The following TACC3 variants were observed in gnomAD, a reference collection of about 807,000 sequenced individuals.
TACC3 encodes the protein transforming acidic coiled-coil containing protein 3.
In TACC3, 52 loss-of-function variants were observed where a neutral mutation model predicts 86.0. The observed-to-expected ratio is 0.60, with a 90% CI of 0.48 to 0.76. The LOEUF is 0.76. Ranked by LOEUF, TACC3 falls within the 30% of genes least tolerant of loss-of-function variation. TACC3 has a pLI of 0.00. For synonymous variants in TACC3, 512 were observed against 430.0 expected (o/e 1.19, Z -2.36); for missense variants, 1,120 against 1,070.4 (o/e 1.05, Z -0.65).
intron 10 of TACC3, among the ~76,000 whole-genome samples, chr4:1,739,156 A>T (rs1318632648): frequency 1.3e-5 from 2 of 152,028 alleles, no homozygotes; most frequent in African/African-American, 4.8e-5. Flanking sequence ...AAAAATACAA[A>T]AATTAGCCGG....
chr4:1,738,964 G>A (rs1353620144), intron 10 of TACC3, among the ~76,000 whole-genome samples: 1 of 152,156 alleles, frequency 6.6e-6, no homozygotes, highest in Non-Finnish European at 1.5e-5. Flanking sequence ...ATTGTTTACT[G>A]AAACTAGAAG....
intron 13 of TACC3, among the ~76,000 whole-genome samples, chr4:1,744,248 G>A (rs1477797714): frequency 6.6e-6 from 1 of 152,240 alleles, no homozygotes; most frequent in Non-Finnish European, 1.5e-5. Context: ...GCCAGCAGAG[G>A]CTGCAGGTGT....
intron 3 of TACC3, among the ~76,000 whole-genome samples, chr4:1,724,379 C>CT (rs35896374): frequency 0.012 from 1,265 of 108,338 alleles, 147 homozygotes; most frequent in African/African-American, 0.013. Flanking sequence ...TCATACTTCA[C>CT]TTTTTTTTTT....
At chr4:1,741,207 G>T in intron 13 of TACC3, 2 of 464,090 alleles carry the variant, frequency 4.3e-6, no homozygotes, top group South Asian at 3.5e-5. Context: ...TGAGCAGGGA[G>T]GCCATCTGAG....
intron 3 of TACC3, among the ~76,000 whole-genome samples, chr4:1,724,212 T>C (rs1429632172): frequency 6.6e-6 from 1 of 151,712 alleles, no homozygotes; most frequent in Non-Finnish European, 1.5e-5. Context: ...GACCTCATGA[T>C]GCGCCCGCCT....
At chr4:1,722,400 C>T (rs1717448538) in intron 1 of TACC3, among the ~76,000 whole-genome samples, 1 of 152,186 alleles carries the variant, frequency 6.6e-6, no homozygotes, top group Non-Finnish European at 1.5e-5. Flanking sequence ...GTCCGTAAGT[C>T]CCATATGTGC....
chr4:1,724,338 G>A (rs1307569134), intron 3 of TACC3, among the ~76,000 whole-genome samples: 2 of 146,054 alleles, frequency 1.4e-5, no homozygotes, highest in Admixed American at 1.4e-4. Context: ...TTCACTAACA[G>A]AAAAGTCGAT....
Position 1,728,078 on chromosome 4 carries a change from G to A in TACC3, c.676G>A (p.Ala226Thr). ...TPHGAEEECK[A>T]ETPHGAEEEC... The stretch of plus-strand genomic sequence containing the variant: ...GCACGGAGCCGAGGAAGAATGCAAA[G>A]CGGAGACTCCGCACGGAGCCGAGGA... Residue 226 changes from alanine (A) to threonine (T), a missense_variant, in exon 4 of 16, where the codon GCG becomes ACG. Coordinates refer to ENST00000313288, the MANE Select transcript of TACC3 (RefSeq NM_006342.3). 6.4e-7 allele frequency: 1 copy of A among 1,572,410 alleles called. No homozygotes were observed. Among genetic ancestry groups the A allele is most frequent in the Non-Finnish European group, 8.6e-7 (1 of 1,159,132 alleles).
intron 4 of TACC3, 83 bp from the exon 5 acceptor site, chr4:1,730,804 G>A: frequency 6.9e-7 from 1 of 1,442,276 alleles, no homozygotes; most frequent in South Asian, 1.2e-5. Flanking sequence ...GCAGGGAAAG[G>A]CGATGGCAGC....
rs776875405 is a variant in TACC3 at position 1,723,765 on chromosome 4, A to G, written c.200A>G (p.His67Arg). Reference sequence around the variant, plus strand: ...ACACCTCTGCGGGATCCACAGACGCACAGGATTCTAAGTCCTAGCATGGCC... The same window carrying G: ...ACACCTCTGCGGGATCCACAGACGCGCAGGATTCTAAGTCCTAGCATGGCC... Reference protein sequence around the residue: ...FQTPLRDPQTHRILSPSMASK... With the variant: ...FQTPLRDPQTRRILSPSMASK... Residue 67 changes from histidine (H) to arginine (R), a missense_variant, in exon 3 of 16, where the codon CAC (histidine) becomes CGC (arginine). Transcript: ENST00000313288. The G allele has an allele frequency of 5.6e-6, 9 of 1,613,750 alleles. No individual in the cohort carries two copies. The African/African-American group carries it at 6.7e-5, about 12-fold the overall frequency.
At position 1,727,802 on chromosome 4, in the gene TACC3, C is replaced by A; in HGVS notation, c.400C>A (p.Pro134Thr). ...CACCGACCTCCTGGGGGATGCAAGC[C>A]CAGCCTTTGGGAGTGGCAGCTCCAG... ...ADTDLLGDAS[P>T]AFGSGSSSES... Residue 134 changes from proline (P) to threonine (T), a missense_variant, in exon 4 of 16, where the codon CCA becomes ACA. Transcript: ENST00000313288. The A allele has an allele frequency of 6.2e-7, 1 of 1,613,332 alleles. No individual in the cohort carries two copies. The highest frequency in any genetic ancestry group is 8.5e-7 in the Non-Finnish European group (1 of 1,179,962).
chr4:1,722,915 C>G (rs1222583665), intron 1 of TACC3, among the ~76,000 whole-genome samples: 1 of 152,130 alleles, frequency 6.6e-6, no homozygotes, highest in East Asian at 1.9e-4. Context: ...CTGGTCTTGT[C>G]CCGCTGCCTA....
In TACC3 at chr4:1,744,761, T is replaced by A; in HGVS notation, c.2380T>A (p.Leu794Met). The A allele has an allele frequency of 6.2e-7, 1 of 1,612,774 alleles. No individual in the cohort carries two copies. Among genetic ancestry groups the A allele is most frequent in the Non-Finnish European group, 8.5e-7 (1 of 1,180,010 alleles). The stretch of plus-strand genomic sequence containing the variant: ...CCGGAGCAAGGCCCAGGCGGAAGCG[T>A]TGGCCCTCCAGGCCAGCCTGAGGAA... ...QVRSKAQAEA[L>M]ALQASLRKEQ... Residue 794 changes from leucine (L) to methionine (M), a missense_variant, in exon 15 of 16, where the codon TTG becomes ATG. By Grantham distance (15) the Leu-to-Met change is conservative. Coordinates refer to ENST00000313288, the MANE Select transcript of TACC3 (RefSeq NM_006342.3).
chr4:1,726,570 T>C (rs1446698186), intron 3 of TACC3, among the ~76,000 whole-genome samples: 1 of 152,240 alleles, frequency 6.6e-6, no homozygotes, highest in Non-Finnish European at 1.5e-5. Context: ...TAAAGTGTTA[T>C]CGGAATGCTG....
intron 6 of TACC3, among the ~76,000 whole-genome samples, chr4:1,734,951 T>C (rs555547060): frequency 3.3e-5 from 5 of 152,358 alleles, no homozygotes; most frequent in Non-Finnish European, 7.3e-5. Flanking sequence ...TTAAAAGACT[T>C]GTCTAGGGTA....
chr4:1,737,261 C>G lies in TACC3; in HGVS notation c.1769C>G (p.Thr590Ser). 1.2e-6 allele frequency: 2 copies of G among 1,614,140 alleles called. No individual in the cohort carries two copies. Among genetic ancestry groups the G allele is most frequent in the Non-Finnish European group, 1.7e-6 (2 of 1,180,018 alleles). The change falls in exon 9 of 16, where the codon ACT (threonine) becomes AGT (serine). Residue 590 changes from threonine (T) to serine (S), a missense_variant. By Grantham distance (58) the Thr-to-Ser change is moderately conservative (BLOSUM62 1). Transcript: ENST00000313288. ...GGCAGCATGCACGGTGCAAATGAGA[C>G]TCCCTCAGGACGTCCGCGGGAAGCC... ...ETSSMHGANE[T>S]PSGRPREAKL...
Position 1,737,761 on chromosome 4 carries a change from A to G in TACC3, c.1941+59A>G, listed in dbSNP as rs1718358150. 3 of 1,470,642 alleles carry G rather than the reference A, an allele frequency of 2.0e-6. No homozygotes were observed. In the African/African-American group the frequency reaches 4.2e-5, roughly 21 times the overall value. The allele number at this position is 1,470,642 out of a possible 1,614,324, so 91.1% of individuals were successfully genotyped here. On this transcript the variant is annotated intron_variant, in intron 10 of 15. Transcript: ENST00000313288. ...CTGCAGGCCGCTCTGGGGCTTGGCC[A>G]ACAGTGGGCAGGGGTCCAACAGCCT...
At chr4:1,732,727 C>G (rs895493028) in intron 6 of TACC3, among the ~76,000 whole-genome samples, 1 of 152,248 alleles carries the variant, frequency 6.6e-6, no homozygotes, top group Admixed American at 6.5e-5. Context: ...GCACGGCCTT[C>G]TGTGTCCGGC....
intron 10 of TACC3, chr4:1,737,959 G>A: frequency 1.7e-6 from 1 of 586,794 alleles, no homozygotes; most frequent in Non-Finnish European, 3.2e-6. Flanking sequence ...GCCTGGGCAT[G>A]GCGTTGGCCT....
Sources: allele counts gnomAD v4.1 joint callset (sites outside exome capture counted in the v4.1 genomes callset), GRCh38; gene constraint gnomAD v4.1.1; transcripts MANE v1.5; gene names NCBI Gene and HGNC (gene_info 2026-07-23, HGNC 2026-07-21).